KCNH7: variants seen among roughly 807,000 people sequenced by gnomAD.
KCNH7 encodes the protein voltage-gated inwardly rectifying potassium channel KCNH7.
Under a neutral mutation model 120.8 loss-of-function variants are expected in KCNH7, and 49 were observed. That is an observed-to-expected ratio of 0.41 (90% CI 0.32 to 0.51). The LOEUF is 0.51. Ranked by LOEUF, KCNH7 falls within the 20% of genes least tolerant of loss-of-function variation. The pLI, the probability that KCNH7 is intolerant of heterozygous loss-of-function variation, is 0.38. For synonymous variants in KCNH7, 547 were observed against 516.1 expected (o/e 1.06, Z -0.81); for missense variants, 1,097 against 1,446.6 (o/e 0.76, Z 3.92).
intron 2 of KCNH7, among the ~76,000 whole-genome samples, chr2:162,772,409 A>G (rs937012252): frequency 2.6e-5 from 4 of 152,156 alleles, no homozygotes; most frequent in Non-Finnish European, 4.4e-5. Flanking sequence ...TATCCAAATG[A>G]TCTCTAAAAA....
At chr2:162,462,533 GAGCA>G (rs1468259857) in intron 6 of KCNH7, among the ~76,000 whole-genome samples, 1 of 138,390 alleles carries the variant, frequency 7.2e-6, no homozygotes, top group East Asian at 2.1e-4. Context: ...GAGAGAGAGA[GAGCA>G]AGAGAGAGAG....
At chr2:162,652,839 C>G (rs934795369) in intron 2 of KCNH7, among the ~76,000 whole-genome samples, 1 of 152,182 alleles carries the variant, frequency 6.6e-6, no homozygotes, top group African/African-American at 2.4e-5. Context: ...CTTTATAAAG[C>G]ATACACATTT....
rs1383601207 is a variant in KCNH7, at chr2:162,743,261, T to G, written c.307+93276A>C. Among the ~76,000 whole-genome samples the G allele has an allele frequency of 3.3e-5, 5 of 152,330 alleles. No individual in the cohort carries two copies. The East Asian group carries it at 9.6e-4, about 29-fold the overall frequency. On this transcript the variant is annotated intron_variant, in intron 2 of 15. Transcript: ENST00000332142. Reference sequence around the variant, plus strand: ...GCATACCGTTTTTAGCATTTTGAATTGTGTGCCTTGTGCATTTGTTCAAAA... The same window carrying G: ...GCATACCGTTTTTAGCATTTTGAATGGTGTGCCTTGTGCATTTGTTCAAAA...
At chr2:162,815,954 ATT>A (rs1279902992) in intron 2 of KCNH7, among the ~76,000 whole-genome samples, 1 of 152,208 alleles carries the variant, frequency 6.6e-6, no homozygotes, top group Non-Finnish European at 1.5e-5. Flanking sequence ...GTTTAAAAAA[ATT>A]TACTTAGAAA....
intron 2 of KCNH7, among the ~76,000 whole-genome samples, chr2:162,812,204 A>C (rs1684754237): frequency 6.6e-6 from 1 of 152,174 alleles, no homozygotes; most frequent in Non-Finnish European, 1.5e-5. Context: ...ACCACAGCAG[A>C]GAATTTAGAC....
At chr2:162,654,209 C>T (rs1176329089) in intron 2 of KCNH7, among the ~76,000 whole-genome samples, 1 of 151,148 alleles carries the variant, frequency 6.6e-6, no homozygotes, top group East Asian at 1.9e-4. Flanking sequence ...GTGAAGAGAC[C>T]TATGGAATAG....
Position 162,517,960 on chromosome 2 carries a change from T to G in KCNH7, c.662A>C (p.Gln221Pro). ...SEADDTKALI[Q>P]PSKCSPLVNI... ...CACCAAGGGAGAACATTTGCTGGGC[T>G]GTATCAAAGCTTTTGTGTCATCTGC... Residue 221 changes from glutamine to proline, a missense_variant, in exon 4 of 16, where the codon CAG becomes CCG. Coordinates refer to ENST00000332142, the MANE Select transcript of KCNH7 (RefSeq NM_033272.4). 6.2e-7 allele frequency: 1 copy of G among 1,612,492 alleles called. No individual in the cohort carries two copies. The highest frequency in any genetic ancestry group is 8.5e-7 in the Non-Finnish European group (1 of 1,178,894).
chr2:162,763,883 C>G (rs1689054165), intron 2 of KCNH7, among the ~76,000 whole-genome samples: 1 of 151,526 alleles, frequency 6.6e-6, no homozygotes, highest in Non-Finnish European at 1.5e-5. Flanking sequence ...AGCTATTTTG[C>G]CTTTGTGTAA....
At chr2:162,413,073 T>G (rs899915098) in intron 9 of KCNH7, among the ~76,000 whole-genome samples, 1 of 152,128 alleles carries the variant, frequency 6.6e-6, no homozygotes, top group Non-Finnish European at 1.5e-5. Flanking sequence ...GATTAGTAAG[T>G]GTCCACCTAC....
intron 2 of KCNH7, among the ~76,000 whole-genome samples, chr2:162,700,135 C>T (rs1305243161): frequency 1.3e-5 from 2 of 151,990 alleles, no homozygotes; most frequent in African/African-American, 4.8e-5. Context: ...TTTGAGTGCT[C>T]CTCATTAATA....
At chr2:162,588,684 A>G (rs1181688201) in intron 2 of KCNH7, among the ~76,000 whole-genome samples, 1 of 152,118 alleles carries the variant, frequency 6.6e-6, no homozygotes, top group Non-Finnish European at 1.5e-5. Flanking sequence ...TAATCAGATC[A>G]GAGTAATTAT....
chr2:162,777,391 G>A (rs528891734), intron 2 of KCNH7, among the ~76,000 whole-genome samples: 11 of 149,324 alleles, frequency 7.4e-5, no homozygotes, highest in Admixed American at 2.7e-4. Flanking sequence ...AAGAGCAAAA[G>A]TCTGTACATG....
intron 13 of KCNH7, among the ~76,000 whole-genome samples, chr2:162,384,470 A>G (rs1475143185): frequency 6.6e-6 from 1 of 151,958 alleles, no homozygotes; most frequent in African/African-American, 2.4e-5. Context: ...TTGGTCACGA[A>G]AACCTCTCAC....
chr2:162,558,433 C>G (rs1221527422), intron 2 of KCNH7, among the ~76,000 whole-genome samples: 1 of 151,100 alleles, frequency 6.6e-6, no homozygotes, highest in Non-Finnish European at 1.5e-5. Flanking sequence ...CTCGGCCTCC[C>G]AAAGTGCTGG....
At chr2:162,692,517 A>G (rs1686149761) in intron 2 of KCNH7, among the ~76,000 whole-genome samples, 1 of 152,140 alleles carries the variant, frequency 6.6e-6, no homozygotes, top group African/African-American at 2.4e-5. Context: ...AAGACAGTAT[A>G]CTAAATTTGA....
intron 2 of KCNH7, chr2:162,537,985 C>T (rs1018273855): frequency 1.3e-5 from 2 of 152,104 alleles, no homozygotes; most frequent in Admixed American, 6.6e-5. Flanking sequence ...CTTTTACCCT[C>T]TGAATATGCT....
intron 2 of KCNH7, among the ~76,000 whole-genome samples, chr2:162,698,425 C>G (rs1686371316): frequency 7.1e-6 from 1 of 140,544 alleles, no homozygotes; most frequent in Non-Finnish European, 1.5e-5. Flanking sequence ...ACTTTAATCG[C>G]CGTCTTTATT....
rs1365226147 is a variant in KCNH7 at position 162,836,614 on chromosome 2, T to C, written c.230A>G (p.His77Arg). Residue 77 changes from histidine (H) to arginine (R), a missense_variant, in exon 2 of 16, where the codon CAT (histidine) becomes CGT (arginine). By Grantham distance (29) the His-to-Arg change is conservative. Around this residue, in one of 8 missense-constraint regions of KCNH7, gnomAD observed 57 missense variants for 116.2 expected, o/e 0.49. Transcript: ENST00000332142. ...DFLHGPETKRHDIAQIAQALL... is the reference protein window; with the variant it reads ...DFLHGPETKRRDIAQIAQALL... ...TGCCTGGGCAATTTGGGCAATATCA[T>C]GCCTCTTGGTCTCGGGTCCATGGAG... is the stretch of plus-strand genomic sequence containing the variant. 3.1e-6 allele frequency: 5 copies of C among 1,614,092 alleles called. No individual in the cohort carries two copies. In the Admixed American group the frequency reaches 8.3e-5, roughly 27 times the overall value.
intron 2 of KCNH7, among the ~76,000 whole-genome samples, chr2:162,633,382 C>A (rs1683834129): frequency 6.6e-6 from 1 of 152,000 alleles, no homozygotes; most frequent in East Asian, 1.9e-4. Flanking sequence ...ATTTCCCTTT[C>A]TTTGTGCTTA....
Sources: allele counts gnomAD v4.1 joint callset (sites outside exome capture counted in the v4.1 genomes callset), GRCh38; gene constraint gnomAD v4.1.1; regional missense constraint gnomAD v4.1.1; transcripts MANE v1.5; gene names NCBI Gene and HGNC (gene_info 2026-07-23, HGNC 2026-07-21).